FOXK2: variants seen among roughly 807,000 people sequenced by gnomAD.
The protein encoded by FOXK2 is forkhead box protein K2.
In FOXK2, 24 loss-of-function variants were observed where a neutral mutation model predicts 53.3. That is an observed-to-expected ratio of 0.45 (90% confidence interval 0.33 to 0.63). The LOEUF (loss-of-function observed/expected upper bound fraction) is 0.63. Ranked by LOEUF, FOXK2 falls within the 30% of genes least tolerant of loss-of-function variation. The pLI is 0.03. For missense variants in FOXK2, 952 were observed against 910.5 expected (o/e 1.05, Z -0.59); for synonymous variants, 505 against 407.1 (o/e 1.24, Z -2.89).
At chr17:82,567,224 C>G (rs1435924558) in intron 2 of FOXK2, among the ~76,000 whole-genome samples, 3 of 152,124 alleles carry the variant, frequency 2.0e-5, no homozygotes, top group African/African-American at 7.2e-5. Context: ...CAATGTTTTT[C>G]CCCAAACACA....
Position 82,601,535 on chromosome 17 carries a change from T to G in FOXK2, c.*36T>G, listed in dbSNP as rs2045385255. 1 of 1,562,896 alleles carries G rather than the reference T, an allele frequency of 6.4e-7. No homozygotes were observed. Among genetic ancestry groups the G allele is most frequent in the Admixed American group, 1.8e-5 (1 of 56,610 alleles). ...AGCTTTTCTTTAACGATATCAACTC[T>G]GTGGTGCCAAAAGGAGACGCGGCCT... On this transcript the variant is annotated 3_prime_UTR_variant, in exon 9 of 9. Coordinates refer to ENST00000335255, the MANE Select transcript of FOXK2 (RefSeq NM_004514.4).
chr17:82,595,652 C>T (rs527857298), intron 8 of FOXK2: 64 of 649,784 alleles, frequency 9.8e-5, no homozygotes, highest in African/African-American at 2.3e-4. Flanking sequence ...CATGTGGTCA[C>T]GGTTTTTCTT....
intron 8 of FOXK2, chr17:82,587,491 G>A: frequency 1.7e-6 from 1 of 577,666 alleles, no homozygotes; most frequent in Non-Finnish European, 3.1e-6. Flanking sequence ...AGAGATGAGA[G>A]TTTCTAATAC....
At chr17:82,532,195 A>G (rs933584093) in intron 1 of FOXK2, among the ~76,000 whole-genome samples, 8 of 151,320 alleles carry the variant, frequency 5.3e-5, no homozygotes, top group South Asian at 4.2e-4. Context: ...CCTAGGCTGC[A>G]GTGCAATGGC....
intron 8 of FOXK2, among the ~76,000 whole-genome samples, chr17:82,594,328 C>G (rs143793249): frequency 2.8e-4 from 43 of 152,256 alleles, no homozygotes; most frequent in Non-Finnish European, 5.3e-4. Flanking sequence ...GAAACCCTGT[C>G]TCCACCAAAA....
At chr17:82,544,028 A>C (rs2044598717) in intron 1 of FOXK2, among the ~76,000 whole-genome samples, 1 of 151,990 alleles carries the variant, frequency 6.6e-6, no homozygotes, top group Non-Finnish European at 1.5e-5. Context: ...CGCCCGCCTC[A>C]GCCTCCCAAA....
intron 1 of FOXK2, among the ~76,000 whole-genome samples, chr17:82,540,900 TTAA>T (rs2044568511): frequency 6.6e-6 from 1 of 152,190 alleles, no homozygotes; most frequent in Non-Finnish European, 1.5e-5. Flanking sequence ...TTTTTATGTG[TTAA>T]TACTGTGTTG....
chr17:82,582,501 T>C (rs2143092952), intron 4 of FOXK2, among the ~76,000 whole-genome samples: 1 of 152,324 alleles, frequency 6.6e-6, no homozygotes, highest in Non-Finnish European at 1.5e-5. Flanking sequence ...CGTCACTCTC[T>C]GTCATCGTTT....
chr17:82,586,123 C>A lies in FOXK2; in HGVS notation c.1499C>A (p.Ala500Asp), dbSNP rs1255013743. The change falls in exon 7 of 9, where the codon GCT becomes GAT. Residue 500 changes from alanine to aspartate, a missense_variant. Physicochemically the swap from Ala to Asp is moderately radical, Grantham distance 126 (BLOSUM62 -2). This residue lies in a region of FOXK2 where 551 missense variants were observed against 385.1 expected (regional missense o/e 1.43). Coordinates refer to ENST00000335255, the MANE Select transcript of FOXK2 (RefSeq NM_004514.4). Reference sequence around the variant, plus strand: ...AACACGTACACTGTCTCTGGACAAGCTGTGGTCACCCCGGCAGCCGTGCTG... The same window carrying A: ...AACACGTACACTGTCTCTGGACAAGATGTGGTCACCCCGGCAGCCGTGCTG... ...PANTYTVSGQ[A>D]VVTPAAVLAP... 1 of 1,612,572 alleles carries A rather than the reference C, an allele frequency of 6.2e-7. No individual in the cohort carries two copies. Among genetic ancestry groups the A allele is most frequent in the Admixed American group, 1.7e-5 (1 of 59,998 alleles).
At chr17:82,594,892 C>T (rs1370023113) in intron 8 of FOXK2, among the ~76,000 whole-genome samples, 1 of 152,118 alleles carries the variant, frequency 6.6e-6, no homozygotes, top group Non-Finnish European at 1.5e-5. Flanking sequence ...CAAAAAATCA[C>T]AAAAGTGGCT....
chr17:82,550,258 A>G (rs1329909432), intron 1 of FOXK2, among the ~76,000 whole-genome samples: 1 of 152,162 alleles, frequency 6.6e-6, no homozygotes, highest in Admixed American at 6.5e-5. Flanking sequence ...GGCCTGCCAT[A>G]GTGTTTTTAA....
chr17:82,520,808 G>T (rs778312254), intron 1 of FOXK2, among the ~76,000 whole-genome samples: 1 of 152,174 alleles, frequency 6.6e-6, no homozygotes, highest in Non-Finnish European at 1.5e-5. Flanking sequence ...GTTTTAAGCA[G>T]GAAGGACTCC....
At chr17:82,548,919 A>G (rs2044651567) in intron 1 of FOXK2, among the ~76,000 whole-genome samples, 1 of 152,130 alleles carries the variant, frequency 6.6e-6, no homozygotes, top group Non-Finnish European at 1.5e-5. Flanking sequence ...AGGGCTGTGC[A>G]CTTTCCACTG....
chr17:82,521,957 A>C (rs2144033306), intron 1 of FOXK2, among the ~76,000 whole-genome samples: 1 of 151,710 alleles, frequency 6.6e-6, no homozygotes, highest in South Asian at 2.1e-4. Flanking sequence ...AGAAATTTTC[A>C]AATGAAAATG....
chr17:82,521,487 T>G (rs2044360892), intron 1 of FOXK2, among the ~76,000 whole-genome samples: 1 of 151,764 alleles, frequency 6.6e-6, no homozygotes, highest in Non-Finnish European at 1.5e-5. Context: ...ATTGGAATTT[T>G]TAACGCTTTC....
At chr17:82,592,868 AAGC>A (rs569673492) in intron 8 of FOXK2, among the ~76,000 whole-genome samples, 18 of 151,826 alleles carry the variant, frequency 1.2e-4, no homozygotes, top group African/African-American at 3.9e-4. Context: ...CTTATTCTGA[AAGC>A]AGACCCCGTG....
intron 7 of FOXK2, among the ~76,000 whole-genome samples, chr17:82,586,621 G>C (rs1046825419): frequency 6.6e-6 from 1 of 151,954 alleles, no homozygotes; most frequent in African/African-American, 2.4e-5. Flanking sequence ...CTCATCCTTG[G>C]CCAGGTACAG....
intron 1 of FOXK2, among the ~76,000 whole-genome samples, chr17:82,522,133 G>GT (rs939250280): frequency 3.8e-5 from 5 of 131,826 alleles, no homozygotes; most frequent in Non-Finnish European, 7.9e-5. Context: ...TTGTTTGTTT[G>GT]TTTTTGATTT....
intron 1 of FOXK2, among the ~76,000 whole-genome samples, chr17:82,545,557 T>C (rs1357503843): frequency 6.6e-6 from 1 of 151,234 alleles, no homozygotes; most frequent in Non-Finnish European, 1.5e-5. Context: ...TCTTATAGTC[T>C]TTTTTTTGTT....
Sources: gnomAD v4.1 joint callset for allele counts (sites outside exome capture counted in the v4.1 genomes callset) on GRCh38, gnomAD v4.1.1 for gene constraint, gnomAD v4.1.1 regional missense constraint, MANE v1.5 for transcripts, NCBI Gene and HGNC (gene_info 2026-07-23, HGNC 2026-07-21) for gene names.